KIAA0319L: variants seen among roughly 807,000 people sequenced by gnomAD.
KIAA0319L encodes the protein KIAA0319 like.
Under a neutral mutation model 120.1 loss-of-function variants are expected in KIAA0319L, and 55 were observed. The observed-to-expected ratio is 0.46, with a 90% CI of 0.37 to 0.57. The LOEUF is 0.57. Among genes scored for constraint, KIAA0319L ranks in the 20% least tolerant of loss-of-function variants. KIAA0319L has a pLI of 0.00. For missense variants in KIAA0319L, 1,049 were observed against 1,255.3 expected, an observed-to-expected ratio of 0.84 and a Z score of 2.48; for synonymous variants, 398 against 471.9, an observed-to-expected ratio of 0.84 and a Z score of 2.03.
chr1:35,475,280 C>G (rs1643866425), intron 4 of KIAA0319L, among the ~76,000 whole-genome samples: 1 of 152,122 alleles, frequency 6.6e-6, no homozygotes, highest in African/African-American at 2.4e-5. Flanking sequence ...CAGTCTGTCC[C>G]TAAGCCCTCC....
chr1:35,439,760 C>T (rs1477707214), intron 20 of KIAA0319L: 1 of 152,186 alleles, frequency 6.6e-6, no homozygotes, highest in Non-Finnish European at 1.5e-5. Context: ...TATACCACTG[C>T]ACTCCAGCCT....
rs562763220 is a variant in KIAA0319L, at chr1:35,506,527, G to A, written c.666+85C>T. On this transcript the variant is annotated intron_variant, in intron 3 of 20. Coordinates refer to ENST00000325722, the MANE Select transcript of KIAA0319L (RefSeq NM_024874.5). The surrounding 1 kb of genome is among the most constrained non-coding windows in gnomAD (Gnocchi z 4.0). Reference sequence around the variant, plus strand: ...ACTCCTCAGCCTATGAGCACTGCCCGCAAGCATCAGCTTCATTGCTCATAT... The same window carrying A: ...ACTCCTCAGCCTATGAGCACTGCCCACAAGCATCAGCTTCATTGCTCATAT... 8 of 1,334,274 alleles carry A rather than the reference G, an allele frequency of 6.0e-6. No individual in the cohort carries two copies. Among genetic ancestry groups the A allele is most frequent in the African/African-American group, 2.9e-5 (2 of 68,704 alleles). 82.7% of individuals were successfully genotyped at this position (1,334,274 alleles called of 1,614,324 possible).
chr1:35,440,992 GC>G, intron 20 of KIAA0319L, 54 bp downstream of exon 20: 1 of 1,359,856 alleles, frequency 7.4e-7, no homozygotes, highest in Non-Finnish European at 1.1e-6. Context: ...AGTGACAGCA[GC>G]CTTCCACAGA....
intron 15 of KIAA0319L, 22 bp from the exon 16 acceptor site, chr1:35,448,354 C>T (rs781715924): frequency 5.0e-6 from 8 of 1,608,914 alleles, no homozygotes; most frequent in Non-Finnish European, 6.8e-6. Context: ...GTGGATCAGT[C>T]ATGGCTTTAG....
chr1:35,510,371 A>C (rs991587757), intron 2 of KIAA0319L: 1 of 150,998 alleles, frequency 6.6e-6, no homozygotes, highest in African/African-American at 2.4e-5. Flanking sequence ...AGAAAAAAAC[A>C]GCCCTTTCTT....
intron 2 of KIAA0319L, among the ~76,000 whole-genome samples, chr1:35,528,221 A>C (rs1218677149): frequency 1.3e-5 from 2 of 152,140 alleles, no homozygotes; most frequent in Non-Finnish European, 2.9e-5. Flanking sequence ...CTGAGTAGTT[A>C]GGACTACAGG....
intron 4 of KIAA0319L, among the ~76,000 whole-genome samples, chr1:35,475,537 G>A (rs574932677): frequency 6.6e-6 from 1 of 151,646 alleles, no homozygotes; most frequent in African/African-American, 2.4e-5. Context: ...GTGCAGTTGT[G>A]TAATCATAGC....
At chr1:35,532,600 G>A (rs1419123360) in intron 2 of KIAA0319L, among the ~76,000 whole-genome samples, 1 of 152,190 alleles carries the variant, frequency 6.6e-6, no homozygotes, top group Admixed American at 6.5e-5. Context: ...GGCATTGGTA[G>A]AGTCAATATT....
At position 35,448,221 on chromosome 1, in the gene KIAA0319L, A is replaced by G; in HGVS notation, c.2465T>C (p.Leu822Pro). The G allele has an allele frequency of 2.5e-6, 4 of 1,614,030 alleles. No individual in the cohort carries two copies. The highest frequency in any genetic ancestry group is 2.5e-6 in the Non-Finnish European group (3 of 1,179,960). Residue 822 changes from leucine to proline, a missense_variant, in exon 16 of 21, where the codon CTG (leucine) becomes CCG (proline). Leu to Pro is a moderately conservative substitution (Grantham distance 98). Coordinates refer to ENST00000325722, the MANE Select transcript of KIAA0319L (RefSeq NM_024874.5). ...CTTTTGCACAATGATGTCGGAATCCAGCACCCCCAGGAGGACCCCAATCTG... is the reference window on the plus strand; with the variant it reads ...CTTTTGCACAATGATGTCGGAATCCGGCACCCCCAGGAGGACCCCAATCTG... ...IRQIGVLLGV[L>P]DSDIIVQKIQ... is the part of the protein sequence containing the mutation.
intron 12 of KIAA0319L, 126 bp from the exon 13 acceptor site, chr1:35,451,902 G>A: frequency 1.0e-6 from 1 of 968,704 alleles, no homozygotes; most frequent in South Asian, 1.7e-5. Flanking sequence ...ACCTTGACAA[G>A]ACATGTTTAA....
Position 35,442,271 on chromosome 1 carries a change from A to C in KIAA0319L, c.2845T>G (p.Trp949Gly). 1.9e-6 allele frequency: 3 copies of C among 1,613,574 alleles called. No homozygotes were observed. The highest frequency in any genetic ancestry group is 2.5e-6 in the Non-Finnish European group (3 of 1,179,416). Residue 949 changes from tryptophan to glycine, a missense_variant, in exon 19 of 21, where the codon TGG (tryptophan) becomes GGG (glycine). Coordinates refer to ENST00000325722, the MANE Select transcript of KIAA0319L (RefSeq NM_024874.5). ...VIVVALGILS[W>G]TVICCCKRQK... is the part of the protein sequence containing the mutation. ...CTCTTACAACAACAGATCACAGTCCAAGACAGGATTCCCAAGGCAACAACA... is the reference window on the plus strand; with the variant it reads ...CTCTTACAACAACAGATCACAGTCCCAGACAGGATTCCCAAGGCAACAACA...
intron 20 of KIAA0319L, among the ~76,000 whole-genome samples, chr1:35,438,276 T>C (rs1038127312): frequency 6.6e-6 from 1 of 152,056 alleles, no homozygotes; most frequent in Non-Finnish European, 1.5e-5. Flanking sequence ...TTCTCCAGTC[T>C]CTCCCATCTC....
At chr1:35,489,141 G>T (rs1177231923) in intron 3 of KIAA0319L, among the ~76,000 whole-genome samples, 1 of 152,022 alleles carries the variant, frequency 6.6e-6, no homozygotes, top group Non-Finnish European at 1.5e-5. Context: ...ATCAGAGAAG[G>T]CTTCAAAAAG....
intron 2 of KIAA0319L, among the ~76,000 whole-genome samples, chr1:35,530,186 C>A (rs1346737413): frequency 6.6e-6 from 1 of 151,840 alleles, no homozygotes; most frequent in African/African-American, 2.4e-5. Flanking sequence ...CAGGCATGCA[C>A]CACCATGCCC....
rs545261053 is a variant in KIAA0319L, at chr1:35,434,619, C to A, written c.*275G>T. ...CTTAGCAGCTGGCTGGGTCTGCCCT[C>A]GGGGGAGGGGAGGAGTTTGCAAAAA... On this transcript the variant is annotated 3_prime_UTR_variant, in exon 21 of 21. Coordinates refer to ENST00000325722, the MANE Select transcript of KIAA0319L (RefSeq NM_024874.5). 1 of 418,900 alleles carries A rather than the reference C, an allele frequency of 2.4e-6. No individual in the cohort carries two copies. Among genetic ancestry groups the A allele is most frequent in the Admixed American group, 4.0e-5 (1 of 25,004 alleles). 25.9% of individuals were successfully genotyped at this position (418,900 alleles called of 1,614,324 possible).
rs1353179037 is a variant in KIAA0319L at position 35,437,710 on chromosome 1, C to A, written c.2963-2629G>T. Reference sequence around the variant, plus strand: ...CCCTCCTCCCTCCTGGATGGTCATTCTTGGGGTCCTCAACCCTAGGCCTCT... The same window carrying A: ...CCCTCCTCCCTCCTGGATGGTCATTATTGGGGTCCTCAACCCTAGGCCTCT... On this transcript the variant is annotated intron_variant, in intron 20 of 20. Transcript: ENST00000325722. The surrounding 1 kb of genome is among the most constrained non-coding windows in gnomAD (Gnocchi z 4.1). 6.6e-6 allele frequency among the ~76,000 whole-genome samples: 1 copy of A among 152,152 alleles called. No individual in the cohort carries two copies. Among genetic ancestry groups the A allele is most frequent in the East Asian group, 1.9e-4 (1 of 5,194 alleles).
chr1:35,557,419 C>A, upstream of KIAA0319L: 1 of 314,286 alleles, frequency 3.2e-6, no homozygotes. Context: ...CTCCTCCCAC[C>A]TCCCCGGGAC....
chr1:35,465,609 G>C (rs1300191299), intron 7 of KIAA0319L, among the ~76,000 whole-genome samples: 1 of 152,210 alleles, frequency 6.6e-6, no homozygotes, highest in African/African-American at 2.4e-5. Flanking sequence ...GACTTTGGGG[G>C]ACTGTTGGGA....
intron 3 of KIAA0319L, among the ~76,000 whole-genome samples, chr1:35,483,011 T>C (rs756085239): frequency 1.7e-4 from 26 of 152,220 alleles, no homozygotes; most frequent in Non-Finnish European, 3.1e-4. Flanking sequence ...ACATTGAACA[T>C]CTTTTTATGT....
Sources: allele counts gnomAD v4.1 joint callset (sites outside exome capture counted in the v4.1 genomes callset), GRCh38; gene constraint gnomAD v4.1.1; non-coding constraint Gnocchi (gnomAD v3.1); transcripts MANE v1.5; gene names NCBI Gene and HGNC (gene_info 2026-07-23, HGNC 2026-07-21).